Variants in FAP observed in about 807,000 individuals in gnomAD.
FAP encodes the protein fibroblast activation protein alpha, also known as prolyl endopeptidase FAP.
A neutral mutation model predicts 126.5 loss-of-function variants in FAP; 110 were observed. The ratio of observed to expected loss-of-function variants is 0.87; its 90% confidence interval spans 0.74 to 1.02. FAP has a LOEUF of 1.02. Among genes scored for constraint, FAP ranks in the 50% least tolerant of loss-of-function variants. The pLI is 0.00. For missense variants in FAP, 919 were observed against 909.2 expected (o/e 1.01, Z -0.14); for synonymous variants, 334 against 297.3 (o/e 1.12, Z -1.27).
intron 19 of FAP, 45 bp downstream of exon 19, chr2:162,189,058 A>G (rs1687951111): frequency 1.6e-6 from 2 of 1,232,256 alleles, no homozygotes; most frequent in Admixed American, 1.9e-5. Flanking sequence ...TTCATCTAAC[A>G]TATTTTCAGT....
At chr2:162,183,185 A>G (rs1276905353) in intron 21 of FAP, among the ~76,000 whole-genome samples, 2 of 152,190 alleles carry the variant, frequency 1.3e-5, no homozygotes, top group African/African-American at 4.8e-5. Flanking sequence ...AAGTAAAAAT[A>G]TGTCAATTAT....
chr2:162,225,235 A>T (rs1689588043), intron 4 of FAP, among the ~76,000 whole-genome samples: 1 of 152,152 alleles, frequency 6.6e-6, no homozygotes, highest in African/African-American at 2.4e-5. Context: ...GACACTAAGG[A>T]CTGAGTTCTT....
intron 17 of FAP, among the ~76,000 whole-genome samples, chr2:162,190,649 C>T (rs1390227101): frequency 6.6e-6 from 1 of 152,008 alleles, no homozygotes; most frequent in Non-Finnish European, 1.5e-5. Flanking sequence ...AAAAGTTAGC[C>T]TTTCAAATAA....
intron 18 of FAP, 21 bp from the exon 19 acceptor site, chr2:162,189,193 G>T (rs1451870938): frequency 1.3e-6 from 2 of 1,514,514 alleles, no homozygotes; most frequent in Non-Finnish European, 9.1e-7. Context: ...AAAAAAAGGA[G>T]AAAAATCTTC....
chr2:162,240,591 AACTAATAC>A (rs1690307367), intron 2 of FAP, among the ~76,000 whole-genome samples: 1 of 152,218 alleles, frequency 6.6e-6, no homozygotes, highest in South Asian at 2.1e-4. Context: ...GAGTTAGTAG[AACTAATAC>A]ACTAATATGT....
At chr2:162,213,436 C>T (rs1262082555) in intron 11 of FAP, among the ~76,000 whole-genome samples, 5 of 146,632 alleles carry the variant, frequency 3.4e-5, no homozygotes, top group Non-Finnish European at 7.5e-5. Flanking sequence ...AAAAAAAAAA[C>T]AGAATATCTG....
chr2:162,204,969 A>G (rs1418129703), intron 12 of FAP, among the ~76,000 whole-genome samples: 1 of 152,186 alleles, frequency 6.6e-6, no homozygotes, highest in Non-Finnish European at 1.5e-5. Context: ...AATCATAGGC[A>G]GCCATCATAT....
chr2:162,202,285 G>A (rs554383148), intron 14 of FAP, among the ~76,000 whole-genome samples: 1 of 152,350 alleles, frequency 6.6e-6, no homozygotes, highest in Admixed American at 6.5e-5. Context: ...CCCATGTTCA[G>A]GTTGATAATA....
At chr2:162,227,449 GATA>G (rs1197321217) in intron 2 of FAP, among the ~76,000 whole-genome samples, 1 of 152,120 alleles carries the variant, frequency 6.6e-6, no homozygotes, top group Non-Finnish European at 1.5e-5. Flanking sequence ...ACACCAGACA[GATA>G]ATAAGGCAAC....
intron 1 of FAP, 135 bp downstream of exon 1, chr2:162,243,187 T>A (rs1690423007): frequency 1.2e-6 from 1 of 841,094 alleles, no homozygotes. Context: ...TTTAGAACAA[T>A]TTTCCAATCC....
Position 162,218,146 on chromosome 2 carries a change from A to G in FAP, c.608-6T>C. On this transcript the variant is annotated splice_polypyrimidine_tract_variant and splice_region_variant and intron_variant, in intron 8 of 25. Coordinates refer to ENST00000188790, the MANE Select transcript of FAP (RefSeq NM_004460.5). ...TTTTGTAGCAAGCATTTCCTCTGAA[A>G]AATAAGTACTAGGATATTAACTATA... 1 of 1,590,386 alleles carries G rather than the reference A, an allele frequency of 6.3e-7. No homozygotes were observed. Among genetic ancestry groups the G allele is most frequent in the Non-Finnish European group, 8.6e-7 (1 of 1,166,934 alleles).
chr2:162,222,403 T>C (rs1370563020), intron 6 of FAP, among the ~76,000 whole-genome samples: 1 of 152,242 alleles, frequency 6.6e-6, no homozygotes, highest in South Asian at 2.1e-4. Flanking sequence ...AGATGGATTT[T>C]AGATTCTACT....
At chr2:162,189,532 A>G (rs1687967894) in intron 18 of FAP, 124 bp downstream of exon 18, 3 of 609,204 alleles carry the variant, frequency 4.9e-6, no homozygotes, top group Non-Finnish European at 8.7e-6. Flanking sequence ...ATTATTTTAA[A>G]TGAAATCCTG....
Position 162,174,982 on chromosome 2 carries a change from T to A in FAP, c.1870-16A>T. ...CTCCATAGGACTGTAGAGACATTGT[T>A]ATGAGTCAGACTCAGATTTACTTTC... On this transcript the variant is annotated splice_polypyrimidine_tract_variant and intron_variant, in intron 21 of 25. Transcript: ENST00000188790. 6.4e-7 allele frequency: 1 copy of A among 1,558,404 alleles called. No homozygotes were observed.
intron 2 of FAP, among the ~76,000 whole-genome samples, chr2:162,239,007 T>C (rs1690244098): frequency 6.6e-6 from 1 of 152,206 alleles, no homozygotes; most frequent in Non-Finnish European, 1.5e-5. Flanking sequence ...ACATATTATA[T>C]ATATATGTGT....
intron 20 of FAP, among the ~76,000 whole-genome samples, chr2:162,185,129 A>T (rs1213234909): frequency 1.3e-5 from 2 of 152,196 alleles, no homozygotes; most frequent in African/African-American, 4.8e-5. Flanking sequence ...AGGGTTGTAA[A>T]TACTGTTGAT....
chr2:162,213,239 A>G (rs1308137876), intron 11 of FAP, among the ~76,000 whole-genome samples: 1 of 151,882 alleles, frequency 6.6e-6, no homozygotes, highest in Non-Finnish European at 1.5e-5. Flanking sequence ...AGCTGGGCCT[A>G]GTGGTGCACA....
chr2:162,238,975 A>C (rs970467817), intron 2 of FAP, among the ~76,000 whole-genome samples: 1 of 152,234 alleles, frequency 6.6e-6, no homozygotes, highest in African/African-American at 2.4e-5. Flanking sequence ...TATAAAAGGC[A>C]AGACTCAGCT....
intron 3 of FAP, 90 bp from the exon 4 acceptor site, chr2:162,225,667 T>A: frequency 7.5e-7 from 1 of 1,337,526 alleles, no homozygotes. Flanking sequence ...TTCACAGACC[T>A]ACTTTGTTTT....
Sources: gnomAD v4.1 joint callset for allele counts (sites outside exome capture counted in the v4.1 genomes callset) on GRCh38, gnomAD v4.1.1 for gene constraint, MANE v1.5 for transcripts, NCBI Gene and HGNC (gene_info 2026-07-23, HGNC 2026-07-21) for gene names.